Variants in UROS observed in about 807,000 individuals in gnomAD.
UROS encodes the protein uroporphyrinogen III synthase, also known as uroporphyrinogen-III synthase.
Under a neutral mutation model 33.0 loss-of-function variants are expected in UROS, and 18 were observed. The ratio of observed to expected loss-of-function variants is 0.55; its 90% CI spans 0.38 to 0.81. The LOEUF is 0.81. Ranked by LOEUF, UROS falls within the 30% of genes least tolerant of loss-of-function variation. The pLI is 0.00. For synonymous variants in UROS, 114 were observed against 121.1 expected, an observed-to-expected ratio of 0.94 and a Z score of 0.38; for missense variants, 293 against 314.9, an observed-to-expected ratio of 0.93 and a Z score of 0.53.
chr10:125,809,090 T>C (rs1852582109), intron 5 of UROS, among the ~76,000 whole-genome samples: 1 of 152,252 alleles, frequency 6.6e-6, no homozygotes. Flanking sequence ...TATAAGAATG[T>C]ACTACCAAGT....
intron 4 of UROS, among the ~76,000 whole-genome samples, chr10:125,814,216 T>C (rs899758587): frequency 2.0e-5 from 3 of 152,338 alleles, no homozygotes; most frequent in Admixed American, 6.5e-5. Flanking sequence ...AATCCCATGA[T>C]GAGAGGTCAA....
chr10:125,812,394 A>G (rs1852896896), intron 4 of UROS, 106 bp from the exon 5 acceptor site: 1 of 950,694 alleles, frequency 1.1e-6, no homozygotes. Context: ...AAAGCAAACT[A>G]TTAGCAACCA....
At chr10:125,803,690 C>T (rs192545260) in intron 6 of UROS, among the ~76,000 whole-genome samples, 4 of 152,308 alleles carry the variant, frequency 2.6e-5, no homozygotes, top group East Asian at 1.9e-4. Context: ...GAGTCTGACC[C>T]GCAGGGGCTG....
intron 6 of UROS, chr10:125,801,921 T>C (rs1851867657): frequency 1.2e-6 from 1 of 801,062 alleles, no homozygotes; most frequent in South Asian, 5.7e-5. Context: ...TCTGTCTCCT[T>C]ACAAACAAAC....
rs1324577802 is a variant in UROS at position 125,807,496 on chromosome 10, C to T, written c.320-9G>A. 3.7e-6 allele frequency: 6 copies of T among 1,611,300 alleles called. No homozygotes were observed. In the Admixed American group the frequency reaches 8.3e-5, roughly 22 times the overall value. ...CAGGCCAATTTTACTCACTGGAAAA[C>T]CACAAAGAAATGTATTTCTTAACAC... On this transcript the variant is annotated splice_polypyrimidine_tract_variant and intron_variant, in intron 5 of 9. Coordinates refer to ENST00000368797, the MANE Select transcript of UROS (RefSeq NM_000375.3).
intron 8 of UROS, among the ~76,000 whole-genome samples, chr10:125,795,649 C>T (rs2133829654): frequency 6.6e-6 from 1 of 152,280 alleles, no homozygotes; most frequent in Non-Finnish European, 1.5e-5. Context: ...GTGTCTGCCC[C>T]TCCAGCTCCA....
In UROS at chr10:125,788,730, G is replaced by A. The variant is rs1461750942; in HGVS notation, c.*138C>T. On this transcript the variant is annotated 3_prime_UTR_variant, in exon 10 of 10. Transcript: ENST00000368797. ...AGCCCCAGGTCAGGTCCCGATCCCCGGTCCTCAGGTGCTTCCACTCAGGCT... is the reference window on the plus strand; with the variant it reads ...AGCCCCAGGTCAGGTCCCGATCCCCAGTCCTCAGGTGCTTCCACTCAGGCT... 16 of 1,441,018 alleles carry A rather than the reference G, an allele frequency of 1.1e-5. No homozygotes were observed. The highest frequency in any genetic ancestry group is 2.5e-4 in the Middle Eastern group (1 of 3,926). 89.3% of individuals were successfully genotyped at this position (1,441,018 alleles called of 1,614,324 possible). A position where few individuals can be genotyped will look rare whatever the true frequency, so the allele number is the denominator to read the frequency against.
rs576427477 is a variant in UROS, at chr10:125,807,144, C to T, written c.394+269G>A. ...CTTTGGAATCCCTCAAGTGATCTCTCCACTGTTTTTATCTCCCAAATGTTT... is the reference window on the plus strand; with the variant it reads ...CTTTGGAATCCCTCAAGTGATCTCTTCACTGTTTTTATCTCCCAAATGTTT... On this transcript the variant is annotated intron_variant, in intron 6 of 9. Transcript: ENST00000368797. 6.7e-4 allele frequency: 314 copies of T among 471,948 alleles called. 8 individuals are homozygous for T. The South Asian group carries it at 6.7e-3, about 10-fold the overall frequency. 29.2% of individuals were successfully genotyped at this position (471,948 alleles called of 1,614,324 possible).
At chr10:125,820,431 T>C in intron 1 of UROS, among the ~76,000 whole-genome samples, 1 of 152,246 alleles carries the variant, frequency 6.6e-6, no homozygotes. Flanking sequence ...TTGTTCTATT[T>C]AGGCCCTCAA....
At chr10:125,818,775 A>G (rs190286692) in intron 1 of UROS, among the ~76,000 whole-genome samples, 24 of 152,248 alleles carry the variant, frequency 1.6e-4, no homozygotes, top group African/African-American at 5.1e-4. Flanking sequence ...GAGCCTCTCC[A>G]TTGTTGGCTT....
chr10:125,802,756 G>A, intron 6 of UROS: 1 of 1,420,428 alleles, frequency 7.0e-7, no homozygotes, highest in Non-Finnish European at 9.2e-7. Flanking sequence ...AGGTAGGGAG[G>A]GTAGGTCTGA....
chr10:125,803,173 A>T (rs1024892092), intron 6 of UROS: 12 of 1,130,284 alleles, frequency 1.1e-5, no homozygotes, highest in Non-Finnish European at 1.4e-5. Context: ...CTTATGGACA[A>T]GTTTTCCCTC....
At chr10:125,807,548 G>A (rs1043493347) in intron 5 of UROS, 61 bp from the exon 6 acceptor site, 80 of 1,395,524 alleles carry the variant, frequency 5.7e-5, no homozygotes, top group Admixed American at 8.4e-5. Flanking sequence ...TTGTTCCAGC[G>A]TTATTTTTTA....
intron 6 of UROS, among the ~76,000 whole-genome samples, chr10:125,798,707 T>C (rs1851566546): frequency 6.6e-6 from 1 of 152,230 alleles, no homozygotes. Context: ...AAAAGGCGAA[T>C]GCACAGGCCT....
chr10:125,818,660 T>C (rs985539669), intron 1 of UROS, among the ~76,000 whole-genome samples: 2 of 152,064 alleles, frequency 1.3e-5, no homozygotes, highest in African/African-American at 2.4e-5. Context: ...AGAGGCTTGG[T>C]GGAGTAGAGG....
chr10:125,797,334 G>T (rs2133839928), intron 7 of UROS, among the ~76,000 whole-genome samples: 1 of 152,306 alleles, frequency 6.6e-6, no homozygotes, highest in South Asian at 2.1e-4. Flanking sequence ...CCTCTATGAG[G>T]CAGGTACCAT....
intron 1 of UROS, chr10:125,819,802 A>G (rs1358193155): frequency 1.3e-5 from 2 of 152,272 alleles, no homozygotes; most frequent in African/African-American, 2.4e-5. Context: ...ATTGAGGGGG[A>G]AAAAGGCGGG....
intron 4 of UROS, 22 bp from the exon 5 acceptor site, chr10:125,812,310 G>A (rs896918990): frequency 2.5e-6 from 4 of 1,609,870 alleles, no homozygotes; most frequent in African/African-American, 2.7e-5. Context: ...GAAATGATAT[G>A]TGAATTGCAA....
chr10:125,787,061 C>T (rs11244648), downstream of UROS, among the ~76,000 whole-genome samples: 45,006 of 152,170 alleles, frequency 0.3, 6,917 homozygotes, highest in East Asian at 0.34. Flanking sequence ...TCTTTAACCA[C>T]GCCCTGGCGC....
Sources: gnomAD v4.1 joint callset for allele counts (sites outside exome capture counted in the v4.1 genomes callset) on GRCh38, gnomAD v4.1.1 for gene constraint, MANE v1.5 for transcripts, NCBI Gene and HGNC (gene_info 2026-07-23, HGNC 2026-07-21) for gene names.